THSD7B: variants seen among roughly 807,000 people sequenced by gnomAD.
The protein encoded by THSD7B is thrombospondin type 1 domain containing 7B, also known as thrombospondin type-1 domain-containing protein 7B.
In THSD7B, 138 loss-of-function variants were observed where a neutral mutation model predicts 213.6. That is an observed-to-expected ratio of 0.65 (90% CI 0.56 to 0.74). The LOEUF is 0.74. THSD7B is among the 30% of genes least tolerant of loss of function. The pLI, the probability that THSD7B is intolerant of heterozygous loss-of-function variation, is 0.00. For synonymous variants in THSD7B, 742 were observed against 687.0 expected (o/e 1.08, Z -1.25); for missense variants, 1,931 against 1,991.5 (o/e 0.97, Z 0.58).
rs564562255 is a variant in THSD7B, at chr2:136,794,621, T to C, written c.-36+28934T>C. On this transcript the variant is annotated intron_variant, in intron 1 of 27. Transcript: ENST00000409968. ...GCTTTATGACCAAATGCATGCTTTA[T>C]TTTGGAAATGTTTTATATGCCCTTG... Among the ~76,000 whole-genome samples, 4 of 152,112 alleles carry C rather than the reference T, an allele frequency of 2.6e-5. No individual in the cohort carries two copies. The East Asian group carries it at 7.7e-4, about 29-fold the overall frequency.
chr2:136,765,561 A>G lies in THSD7B; in HGVS notation c.-162A>G. Reference sequence around the variant, plus strand: ...TCCTCCTTCAGTGCTGAGGAGCCAGAGTCGCCGCCGGGTTGCCAGACGCTG... The same window carrying G: ...TCCTCCTTCAGTGCTGAGGAGCCAGGGTCGCCGCCGGGTTGCCAGACGCTG... On this transcript the variant is annotated 5_prime_UTR_variant, in exon 1 of 28. Transcript: ENST00000409968. The G allele has an allele frequency of 7.7e-6, 1 of 129,470 alleles. No individual in the cohort carries two copies. Among genetic ancestry groups the G allele is most frequent in the Non-Finnish European group, 1.6e-5 (1 of 63,052 alleles). The allele number at this position is 129,470 out of a possible 1,614,324, so 8.0% of individuals were successfully genotyped here.
intron 2 of THSD7B, among the ~76,000 whole-genome samples, chr2:136,999,737 A>C (rs1207126927): frequency 6.6e-6 from 1 of 151,318 alleles, no homozygotes; most frequent in Admixed American, 6.6e-5. Context: ...TACATTTTTC[A>C]AATATTGCAC....
At chr2:137,147,272 A>C (rs1396603608) in intron 5 of THSD7B, among the ~76,000 whole-genome samples, 1 of 152,160 alleles carries the variant, frequency 6.6e-6, no homozygotes, top group Non-Finnish European at 1.5e-5. Flanking sequence ...ATTTCCTCAC[A>C]CAGAAGAATG....
At chr2:137,225,413 G>A (rs1259685794) in intron 7 of THSD7B, among the ~76,000 whole-genome samples, 2 of 152,082 alleles carry the variant, frequency 1.3e-5, no homozygotes, top group Non-Finnish European at 2.9e-5. Context: ...TTATGGTTTG[G>A]TATTATCTAA....
At chr2:136,970,680 T>G (rs1316845887) in intron 2 of THSD7B, among the ~76,000 whole-genome samples, 2 of 152,094 alleles carry the variant, frequency 1.3e-5, no homozygotes, top group African/African-American at 4.8e-5. Context: ...GTAACTAGAT[T>G]GAAAGATCCT....
rs930245959 is a variant in THSD7B at position 137,238,710 on chromosome 2, C to T, written c.2151-3747C>T. Among the ~76,000 whole-genome samples the T allele has an allele frequency of 1.1e-4, 17 of 149,580 alleles. No individual in the cohort carries two copies. In the East Asian group the frequency reaches 1.2e-3, roughly 10 times the overall value. On this transcript the variant is annotated intron_variant, in intron 9 of 27. Transcript: ENST00000409968. The stretch of plus-strand genomic sequence containing the variant: ...CTGGGACTACAGGCGCCCGCCACCG[C>T]GCCCGGCTAATTTTTTGTATTTTTA...
intron 15 of THSD7B, among the ~76,000 whole-genome samples, chr2:137,534,941 A>C (rs984669328): frequency 6.6e-6 from 1 of 151,818 alleles, no homozygotes; most frequent in Non-Finnish European, 1.5e-5. Flanking sequence ...TCCTCCTATA[A>C]TTGAAACTTG....
Position 137,271,466 on chromosome 2 carries a change from TA to T in THSD7B, c.2267-1065del, listed in dbSNP as rs1386330001. On this transcript the variant is annotated intron_variant, in intron 10 of 27. Transcript: ENST00000409968. Reference sequence around the variant, plus strand: ...ATAATATATAATATAATATATAATATAATATATAATATAAAATCATATATAT... The same window carrying T: ...ATAATATATAATATAATATATAATATATATATAATATAAAATCATATATAT... Among the ~76,000 whole-genome samples, 143 of 144,508 alleles carry T rather than the reference TA, an allele frequency of 9.9e-4. 5 individuals are homozygous for T. In the East Asian group the frequency reaches 0.019, roughly 19 times the overall value. The allele number at this position is 144,508 out of a possible 152,430, so 94.8% of individuals were successfully genotyped here.
intron 2 of THSD7B, among the ~76,000 whole-genome samples, chr2:137,013,486 CAG>C (rs1469414617): frequency 3.3e-5 from 5 of 152,132 alleles, no homozygotes; most frequent in Admixed American, 3.3e-4. Flanking sequence ...GAGAACTGCA[CAG>C]AGAGAGGAAG....
chr2:137,189,051 C>T (rs1415164384), intron 7 of THSD7B, among the ~76,000 whole-genome samples: 2 of 152,152 alleles, frequency 1.3e-5, no homozygotes, highest in African/African-American at 4.8e-5. Flanking sequence ...AAGCCTAGAG[C>T]CACCATATTA....
At chr2:137,470,253 A>G (rs1688067400) in intron 15 of THSD7B, among the ~76,000 whole-genome samples, 1 of 152,238 alleles carries the variant, frequency 6.6e-6, no homozygotes, top group Non-Finnish European at 1.5e-5. Context: ...ACTTAATTAC[A>G]ACAATTTTCA....
At chr2:137,167,739 A>G (rs1680166057) in intron 6 of THSD7B, among the ~76,000 whole-genome samples, 1 of 152,176 alleles carries the variant, frequency 6.6e-6, no homozygotes, top group Non-Finnish European at 1.5e-5. Flanking sequence ...TGCAGATACT[A>G]GTTTCACTAA....
At chr2:137,348,703 C>CTTTTTTTTTTTTTTTTTTTTTTTT (rs80150345) in intron 12 of THSD7B, among the ~76,000 whole-genome samples, 29 of 110,908 alleles carry the variant, frequency 2.6e-4, no homozygotes, top group Non-Finnish European at 4.4e-4. Context: ...CTATGAACTC[C>CTTTTTTTTTTTTTTTTTTTTTTTT]TTTTTTTTTT....
chr2:137,207,642 T>C (rs1042294484), intron 7 of THSD7B, among the ~76,000 whole-genome samples: 1 of 152,036 alleles, frequency 6.6e-6, no homozygotes, highest in African/African-American at 2.4e-5. Context: ...GGCTAAGAGA[T>C]GGCACTGGAT....
chr2:136,951,671 G>A (rs1685040834), intron 2 of THSD7B, among the ~76,000 whole-genome samples: 1 of 152,176 alleles, frequency 6.6e-6, no homozygotes, highest in Admixed American at 6.5e-5. Flanking sequence ...TTCTGTGGGG[G>A]AAGATGGTTT....
chr2:136,954,461 A>G (rs2105076003), intron 2 of THSD7B, among the ~76,000 whole-genome samples: 1 of 152,276 alleles, frequency 6.6e-6, no homozygotes, highest in Middle Eastern at 3.4e-3. Context: ...TCACACCTGT[A>G]ATCCCAGCCC....
At chr2:137,027,080 T>G (rs1686569560) in intron 2 of THSD7B, among the ~76,000 whole-genome samples, 1 of 152,232 alleles carries the variant, frequency 6.6e-6, no homozygotes, top group Non-Finnish European at 1.5e-5. Context: ...ATTTCTAGCC[T>G]GTGATATCTG....
intron 12 of THSD7B, among the ~76,000 whole-genome samples, chr2:137,309,467 G>A (rs1683838545): frequency 6.7e-6 from 1 of 149,952 alleles, no homozygotes; most frequent in South Asian, 2.2e-4. Context: ...AAAAATTATT[G>A]GACAAAGTTC....
At position 137,160,328 on chromosome 2, in the gene THSD7B, G is replaced by A; in HGVS notation, c.1485G>A (p.Leu495=). 1 of 1,613,408 alleles carries A rather than the reference G, an allele frequency of 6.2e-7. No individual in the cohort carries two copies. The highest frequency in any genetic ancestry group is 8.5e-7 in the Non-Finnish European group (1 of 1,179,584). Reference sequence around the variant, plus strand: ...TATCTTCCTGGTCAGCCTGGGGCCTGTGCATCCATGAAAACTGTCATGATC... The same window carrying A: ...TATCTTCCTGGTCAGCCTGGGGCCTATGCATCCATGAAAACTGTCATGATC... The part of the protein sequence containing the change: ...CIVSSWSAWG[L]CIHENCHDPQ... Residue 495 remains leucine, a synonymous_variant, in exon 6 of 28, where the codon CTG becomes CTA. Transcript: ENST00000409968.
Sources: gnomAD v4.1 joint callset for allele counts (sites outside exome capture counted in the v4.1 genomes callset) on GRCh38, gnomAD v4.1.1 for gene constraint, MANE v1.5 for transcripts, NCBI Gene and HGNC (gene_info 2026-07-23, HGNC 2026-07-21) for gene names.